Variants in GRK3 observed in about 807,000 individuals in gnomAD.
The protein encoded by GRK3 is G protein-coupled receptor kinase 3, also known as adrenergic, beta, receptor kinase 2.
A neutral mutation model predicts 95.7 loss-of-function variants in GRK3; 54 were observed. That is an observed-to-expected ratio of 0.56 (90% confidence interval 0.45 to 0.71). The LOEUF is 0.71. Among genes scored for constraint, GRK3 ranks in the 30% least tolerant of loss-of-function variants. The probability of loss-of-function intolerance (pLI) is 0.00; values close to 1 mark genes in which losing one functional copy is unlikely to be tolerated. For synonymous variants in GRK3, 281 were observed against 290.8 expected, an observed-to-expected ratio of 0.97 and a Z score of 0.34; for missense variants, 649 against 851.2, an observed-to-expected ratio of 0.76 and a Z score of 2.96.
intron 8 of GRK3, among the ~76,000 whole-genome samples, 153 bp downstream of exon 8, chr22:25,674,681 G>GGCTC (rs1031189391): frequency 1.3e-5 from 2 of 152,218 alleles, no homozygotes; most frequent in African/African-American, 4.8e-5. Flanking sequence ...CGGGCGTGGT[G>GGCTC]GCTCACGCCT....
intron 11 of GRK3, among the ~76,000 whole-genome samples, chr22:25,688,007 A>C (rs111821089): frequency 0.1 from 15,918 of 152,088 alleles, 1,300 homozygotes; most frequent in African/African-American, 0.23. Context: ...GAGGCCAAGG[A>C]GGGCGGATCA....
chr22:25,722,153 A>C, intron 20 of GRK3, 136 bp from the exon 21 acceptor site: 1 of 908,462 alleles, frequency 1.1e-6, no homozygotes, highest in South Asian at 1.6e-5. Flanking sequence ...ATCAGCTAGT[A>C]ATGCCACTGG....
intron 11 of GRK3, among the ~76,000 whole-genome samples, chr22:25,689,835 GC>G (rs1333816669): frequency 6.6e-6 from 1 of 152,152 alleles, no homozygotes; most frequent in Non-Finnish European, 1.5e-5. Context: ...CTCACCTCCT[GC>G]CCTTGAGAGG....
chr22:25,708,788 A>G (rs2085320970), intron 15 of GRK3, among the ~76,000 whole-genome samples: 1 of 151,354 alleles, frequency 6.6e-6, no homozygotes, highest in African/African-American at 2.4e-5. Flanking sequence ...CAGCCTCCCG[A>G]GTAGCTGAGA....
chr22:25,651,670 C>A (rs2084831842), intron 3 of GRK3, among the ~76,000 whole-genome samples: 1 of 152,146 alleles, frequency 6.6e-6, no homozygotes, highest in Non-Finnish European at 1.5e-5. Flanking sequence ...TAAATCTGAT[C>A]AGGAAAGTAA....
chr22:25,573,725 C>G (rs1005617005), intron 1 of GRK3, among the ~76,000 whole-genome samples: 13 of 151,996 alleles, frequency 8.6e-5, no homozygotes, highest in African/African-American at 3.1e-4. Flanking sequence ...ATGGTGAAAC[C>G]CCGTCTCTAC....
At chr22:25,619,712 G>T (rs1203095181) in intron 2 of GRK3, among the ~76,000 whole-genome samples, 3 of 134,006 alleles carry the variant, frequency 2.2e-5, no homozygotes, top group Non-Finnish European at 4.6e-5. Flanking sequence ...GGCTGGTTTC[G>T]AACTCCTGGC....
At chr22:25,621,655 A>G (rs2084587043) in intron 2 of GRK3, among the ~76,000 whole-genome samples, 1 of 152,238 alleles carries the variant, frequency 6.6e-6, no homozygotes, top group South Asian at 2.1e-4. Flanking sequence ...GGCAGCAAGA[A>G]TGGTTATTTT....
chr22:25,573,004 C>A (rs374894962), intron 1 of GRK3, among the ~76,000 whole-genome samples: 2 of 152,114 alleles, frequency 1.3e-5, no homozygotes, highest in African/African-American at 4.8e-5. Context: ...AACTGTTGTA[C>A]CAGAAAGCTC....
At chr22:25,574,103 T>A (rs1931803056) in intron 1 of GRK3, among the ~76,000 whole-genome samples, 1 of 152,248 alleles carries the variant, frequency 6.6e-6, no homozygotes, top group Admixed American at 6.5e-5. Context: ...TCCATTGATC[T>A]TTATTATCTT....
chr22:25,583,875 T>C (rs932028939), intron 1 of GRK3, among the ~76,000 whole-genome samples: 9 of 152,228 alleles, frequency 5.9e-5, no homozygotes, highest in African/African-American at 9.6e-5. Flanking sequence ...TGCAGAAATA[T>C]TGTATAGGTT....
intron 1 of GRK3, among the ~76,000 whole-genome samples, chr22:25,577,532 A>T (rs1931948349): frequency 6.6e-6 from 1 of 152,184 alleles, no homozygotes; most frequent in African/African-American, 2.4e-5. Flanking sequence ...CTAAATTGTG[A>T]TGGAAAATTA....
chr22:25,681,569 C>T (rs994750231), intron 9 of GRK3, among the ~76,000 whole-genome samples: 1 of 147,378 alleles, frequency 6.8e-6, no homozygotes, highest in Non-Finnish European at 1.5e-5. Context: ...AAGGGCATCG[C>T]CGGCCGATCT....
chr22:25,671,918 G>A (rs1359144345), intron 6 of GRK3, among the ~76,000 whole-genome samples: 1 of 152,130 alleles, frequency 6.6e-6, no homozygotes, highest in East Asian at 1.9e-4. Context: ...ACTTAATATA[G>A]TAACAAGAAT....
intron 1 of GRK3, among the ~76,000 whole-genome samples, chr22:25,579,655 G>A (rs967379527): frequency 2.0e-5 from 3 of 151,902 alleles, no homozygotes; most frequent in South Asian, 4.2e-4. Flanking sequence ...TGTATTTTTA[G>A]TAGAGACGTG....
intron 2 of GRK3, among the ~76,000 whole-genome samples, chr22:25,642,574 A>G (rs2084751168): frequency 6.6e-6 from 1 of 152,150 alleles, no homozygotes; most frequent in Admixed American, 6.5e-5. Flanking sequence ...CTTTTAGTGT[A>G]CATTGTACTC....
rs185954623 is a variant in GRK3 at position 25,726,336 on chromosome 22, G to A, written c.*3886G>A. 5.9e-5 allele frequency: 9 copies of A among 152,316 alleles called. No individual in the cohort carries two copies. The East Asian group carries it at 1.7e-3, about 29-fold the overall frequency. The allele number at this position is 152,316 out of a possible 1,614,324, so 9.4% of individuals were successfully genotyped here. On this transcript the variant is annotated 3_prime_UTR_variant, in exon 21 of 21. Transcript: ENST00000324198. ...GAAGAAAACAACGTTCTCAAAGTCT[G>A]GCCTCTTTAGCATGATGTAAACCTA...
chr22:25,617,886 C>T (rs1000268089), intron 2 of GRK3, among the ~76,000 whole-genome samples: 4 of 152,156 alleles, frequency 2.6e-5, no homozygotes, highest in African/African-American at 4.8e-5. Context: ...AAGCGATTCT[C>T]GTACCTCAGC....
At chr22:25,659,059 G>A (rs1286804795) in intron 3 of GRK3, among the ~76,000 whole-genome samples, 3 of 152,058 alleles carry the variant, frequency 2.0e-5, no homozygotes, top group East Asian at 3.9e-4. Context: ...TTGAAACTGT[G>A]GGACTACATA....
Sources: gnomAD v4.1 joint callset for allele counts (sites outside exome capture counted in the v4.1 genomes callset) on GRCh38, gnomAD v4.1.1 for gene constraint, MANE v1.5 for transcripts, NCBI Gene and HGNC (gene_info 2026-07-23, HGNC 2026-07-21) for gene names.